Variants in ZNF667 observed in about 807,000 individuals in gnomAD.
ZNF667 encodes zinc finger protein 667.
In ZNF667, 13 loss-of-function variants were observed where a neutral mutation model predicts 31.8. The ratio of observed to expected loss-of-function variants is 0.41; its 90% CI spans 0.27 to 0.65. ZNF667 has a LOEUF of 0.65. ZNF667 is among the 30% of genes least tolerant of loss of function. The pLI is 0.32. For synonymous variants in ZNF667, 228 were observed against 247.1 expected, an observed-to-expected ratio of 0.92 and a Z score of 0.73; for missense variants, 642 against 725.6, an observed-to-expected ratio of 0.88 and a Z score of 1.32.
At chr19:56,462,492 G>GAC (rs150437906) in intron 3 of ZNF667, 63 bp from the exon 4 acceptor site, 150 of 909,974 alleles carry the variant, frequency 1.6e-4, no homozygotes, top group Admixed American at 2.9e-4. Flanking sequence ...CTAACCTGGA[G>GAC]ACACACACAC....
Position 56,440,316 on chromosome 19 carries a change from C to A in ZNF667, c.*846G>T, listed in dbSNP as rs922863987. On this transcript the variant is annotated 3_prime_UTR_variant, in exon 7 of 7. Coordinates refer to ENST00000504904, the MANE Select transcript of ZNF667 (RefSeq NM_001321356.2). ...GTCTCAGCCAAGTTAGACGTTCACA[C>A]CATGAAGATCATATATCCTCATATC... is the stretch of plus-strand genomic sequence containing the variant. 2 of 152,268 alleles carry A rather than the reference C, an allele frequency of 1.3e-5. No individual in the cohort carries two copies. The highest frequency in any genetic ancestry group is 2.9e-5 in the Non-Finnish European group (2 of 68,114). 9.4% of individuals were successfully genotyped at this position (152,268 alleles called of 1,614,324 possible). A position where few individuals can be genotyped will look rare whatever the true frequency, so the allele number is the denominator to read the frequency against.
intron 6 of ZNF667, among the ~76,000 whole-genome samples, chr19:56,455,968 A>G (rs895983061): frequency 1.3e-5 from 2 of 152,216 alleles, no homozygotes; most frequent in East Asian, 3.9e-4. Context: ...CAAACCTTCT[A>G]CTGCATCTCC....
intron 6 of ZNF667, among the ~76,000 whole-genome samples, chr19:56,457,004 C>T (rs1600427555): frequency 6.6e-6 from 1 of 152,150 alleles, no homozygotes; most frequent in South Asian, 2.1e-4. Flanking sequence ...ACCTGGACGT[C>T]ACCAAAGCCA....
Position 56,442,141 on chromosome 19 carries a change from T to G in ZNF667, c.854A>C (p.Lys285Thr). 6.2e-7 allele frequency: 1 copy of G among 1,613,192 alleles called. No homozygotes were observed. The highest frequency in any genetic ancestry group is 1.3e-5 in the African/African-American group (1 of 74,944). The change falls in exon 7 of 7, where the codon AAA (lysine) becomes ACA (threonine). Residue 285 changes from lysine (K) to threonine (T), a missense_variant. Physicochemically the swap from Lys to Thr is moderately conservative, Grantham distance 78. Transcript: ENST00000504904. The part of the protein sequence containing the change: ...HNGKKTHKYN[K>T]CGRGFKKKSV... ...TTTCTTTTTGAAGCCTCTCCCACATTTATTATATTTATGTGTTTTCTTTCC... is the reference window on the plus strand; with the variant it reads ...TTTCTTTTTGAAGCCTCTCCCACATGTATTATATTTATGTGTTTTCTTTCC...
chr19:56,442,731 A>G lies in ZNF667; in HGVS notation c.264T>C (p.Ser88=). ...VRRRRAPDSG[S]KCETKKLPPN... is the part of the protein sequence containing the mutation. Reference sequence around the variant, plus strand: ...GAGGTAACTTCTTGGTCTCACATTTAGACCCCGAGTCTGAAAGACATAAAG... The same window carrying G: ...GAGGTAACTTCTTGGTCTCACATTTGGACCCCGAGTCTGAAAGACATAAAG... The change falls in exon 7 of 7, where the codon TCT becomes TCC. Residue 88 remains serine (S), a synonymous_variant. Coordinates refer to ENST00000504904, the MANE Select transcript of ZNF667 (RefSeq NM_001321356.2). 1 of 1,576,050 alleles carries G rather than the reference A, an allele frequency of 6.3e-7. No individual in the cohort carries two copies. The highest frequency in any genetic ancestry group is 8.6e-7 in the Non-Finnish European group (1 of 1,166,046).
intron 3 of ZNF667, among the ~76,000 whole-genome samples, chr19:56,464,717 TC>T (rs1157019919): frequency 2.0e-5 from 3 of 151,968 alleles, no homozygotes; most frequent in African/African-American, 7.3e-5. Flanking sequence ...GGGTAGTACC[TC>T]CCCCCTCCCT....
In ZNF667 at chr19:56,440,643, T is replaced by TA; in HGVS notation, c.*518_*519insT. The stretch of plus-strand genomic sequence containing the variant: ...TGCTGGAAGTAAAATATCGGTAATT[T>TA]TTTTTTTTTTTGACACAGAGTCTTG... On this transcript the variant is annotated 3_prime_UTR_variant, in exon 7 of 7. Transcript: ENST00000504904. 1 of 956,956 alleles carries TA rather than the reference T, an allele frequency of 1.0e-6. No individual in the cohort carries two copies. The highest frequency in any genetic ancestry group is 1.2e-6 in the Non-Finnish European group (1 of 804,378). 59.3% of individuals were successfully genotyped at this position (956,956 alleles called of 1,614,324 possible).
chr19:56,448,905 G>C (rs1406257902), intron 6 of ZNF667, among the ~76,000 whole-genome samples: 3 of 152,116 alleles, frequency 2.0e-5, no homozygotes, highest in Admixed American at 1.3e-4. Flanking sequence ...TCCCAGTGTT[G>C]GTGGCCATGG....
chr19:56,466,315 G>A (rs1485053370), intron 3 of ZNF667, among the ~76,000 whole-genome samples: 1 of 152,184 alleles, frequency 6.6e-6, no homozygotes, highest in Non-Finnish European at 1.5e-5. Flanking sequence ...TGCAGACTCC[G>A]AAACATAAGC....
rs576710007 is a variant in ZNF667 at position 56,452,624 on chromosome 19, A to G, written c.253+5531T>C. 3.3e-5 allele frequency among the ~76,000 whole-genome samples: 5 copies of G among 152,160 alleles called. No homozygotes were observed. In the East Asian group the frequency reaches 9.7e-4, roughly 29 times the overall value. ...CAGAAAGAAATGAAATTTAAATTAG[A>G]AAACCACAAAAGAGCCTGGGCGCGG... is the stretch of plus-strand genomic sequence containing the variant. On this transcript the variant is annotated intron_variant, in intron 6 of 6. Transcript: ENST00000504904.
intron 3 of ZNF667, among the ~76,000 whole-genome samples, chr19:56,466,247 T>A (rs1030553357): frequency 6.6e-6 from 1 of 152,218 alleles, no homozygotes; most frequent in African/African-American, 2.4e-5. Flanking sequence ...GCTGTGAGCA[T>A]GACTACAGGT....
Position 56,448,306 on chromosome 19 carries a change from A to C in ZNF667, c.254-5565T>G, listed in dbSNP as rs7260271. On this transcript the variant is annotated intron_variant, in intron 6 of 6. Transcript: ENST00000504904. ...GCATTTAAATCAGCTCTAGCCTAAG[A>C]ATTGTCCACCACAGTGGTGGAAACT... 5.7e-3 allele frequency among the ~76,000 whole-genome samples: 868 copies of C among 152,206 alleles called. 4 individuals are homozygous for C. Among genetic ancestry groups the C allele is most frequent in the African/African-American group, 0.019 (808 of 41,532 alleles).
chr19:56,451,005 A>G (rs999866445), intron 6 of ZNF667, among the ~76,000 whole-genome samples: 1 of 152,202 alleles, frequency 6.6e-6, no homozygotes, highest in South Asian at 2.1e-4. Flanking sequence ...TTAAATGTAC[A>G]TGGACTAAAT....
In ZNF667 at chr19:56,442,407, T is replaced by G. The variant is rs2042628343; in HGVS notation, c.588A>C (p.Gly196=). ...ATTTATTGCATTCATGGCTTTTCTT[T>G]CCACTGTGAATTCTCTGATGAAGTA... ...SILLHQRIHS[G]KKSHECNKCG... is the part of the protein sequence containing the mutation. Residue 196 remains glycine, a synonymous_variant, in exon 7 of 7, where the codon GGA becomes GGC. Transcript: ENST00000504904. The G allele has an allele frequency of 6.2e-7, 1 of 1,614,024 alleles. No homozygotes were observed. Among genetic ancestry groups the G allele is most frequent in the African/African-American group, 1.3e-5 (1 of 74,932 alleles).
At chr19:56,451,900 C>A (rs1427789710) in intron 6 of ZNF667, among the ~76,000 whole-genome samples, 105 of 95,292 alleles carry the variant, frequency 1.1e-3, no homozygotes, top group African/African-American at 2.6e-3. Context: ...AAAAAAAAAA[C>A]TTTCAAATTG....
intron 6 of ZNF667, among the ~76,000 whole-genome samples, chr19:56,451,133 G>GA (rs958822627): frequency 1.3e-5 from 2 of 151,232 alleles, no homozygotes; most frequent in Non-Finnish European, 2.9e-5. Context: ...TAAAGGGAGG[G>GA]AAAAAAAATC....
At chr19:56,470,957 T>C (rs1322913637) in intron 3 of ZNF667, among the ~76,000 whole-genome samples, 1 of 152,116 alleles carries the variant, frequency 6.6e-6, no homozygotes, top group East Asian at 1.9e-4. Context: ...ATGGAGTAAA[T>C]ACTCTGATAT....
intron 6 of ZNF667, 134 bp downstream of exon 6, chr19:56,458,021 A>G (rs550481727): frequency 1.1e-5 from 9 of 789,184 alleles, no homozygotes; most frequent in East Asian, 2.6e-5. Flanking sequence ...CTGCTCATGC[A>G]TTGATCTTGG....
rs765892711 is a variant in ZNF667, at chr19:56,458,172, C to A, written c.236G>T (p.Arg79Ile). Residue 79 changes from arginine to isoleucine, a missense_variant, in exon 6 of 7, where the codon AGA becomes ATA. Transcript: ENST00000504904. Reference sequence around the variant, plus strand: ...TCACTCACCAGGAGCCCGGCGTCTTCTTACTGGCTCTACCATCCAGGGTGC... The same window carrying A: ...TCACTCACCAGGAGCCCGGCGTCTTATTACTGGCTCTACCATCCAGGGTGC... ...GKAPWMVEPV[R>I]RRRAPDSGSK... The A allele has an allele frequency of 6.2e-7, 1 of 1,614,214 alleles. No homozygotes were observed.
Sources: allele counts gnomAD v4.1 joint callset (sites outside exome capture counted in the v4.1 genomes callset), GRCh38; gene constraint gnomAD v4.1.1; transcripts MANE v1.5; gene names NCBI Gene and HGNC (gene_info 2026-07-23, HGNC 2026-07-21).